STK33: variants seen among roughly 807,000 people sequenced by gnomAD.
STK33 encodes serine/threonine-protein kinase 33.
A neutral mutation model predicts 58.0 loss-of-function variants in STK33; 52 were observed. The ratio of observed to expected loss-of-function variants is 0.90; its 90% CI spans 0.72 to 1.13. The LOEUF (loss-of-function observed/expected upper bound fraction) is 1.13, where lower values mean the gene tolerates loss of function less well. STK33 is among the 50% of genes most tolerant of loss of function. STK33 has a pLI of 0.00. For missense variants in STK33, 630 were observed against 604.2 expected, an observed-to-expected ratio of 1.04 and a Z score of -0.45; for synonymous variants, 215 against 200.1, an observed-to-expected ratio of 1.07 and a Z score of -0.63.
chr11:8,580,391 C>A (rs2029911639), intron 1 of STK33, among the ~76,000 whole-genome samples: 1 of 151,312 alleles, frequency 6.6e-6, no homozygotes, highest in African/African-American at 2.4e-5. Context: ...CAAATGTTCT[C>A]ACTATTCGTG....
the STK33 span, among the ~76,000 whole-genome samples, chr11:8,349,450 TG>T: frequency 6.6e-6 from 1 of 152,202 alleles, no homozygotes; most frequent in Admixed American, 6.5e-5. Context: ...AGGCCTCACA[TG>T]CAGGGCCCAC....
intron 1 of STK33, among the ~76,000 whole-genome samples, chr11:8,521,336 T>C (rs1485967642): frequency 6.6e-6 from 1 of 152,132 alleles, no homozygotes; most frequent in South Asian, 2.1e-4. Context: ...TCTACAACCA[T>C]CTGATCTTTG....
chr11:8,394,999 T>A (rs1849090341), intron 15 of STK33, among the ~76,000 whole-genome samples: 1 of 152,182 alleles, frequency 6.6e-6, no homozygotes, highest in African/African-American at 2.4e-5. Context: ...ATTGTCAATT[T>A]ATAGTGTACA....
At chr11:8,367,395 A>T in the STK33 span, among the ~76,000 whole-genome samples, 1 of 152,216 alleles carries the variant, frequency 6.6e-6, no homozygotes, top group Non-Finnish European at 1.5e-5. Context: ...ACATCATTGT[A>T]CATTCATGTT....
chr11:8,514,274 T>C (rs1016700836), intron 1 of STK33, among the ~76,000 whole-genome samples: 1 of 152,208 alleles, frequency 6.6e-6, no homozygotes, highest in Non-Finnish European at 1.5e-5. Flanking sequence ...TTTTGATAAA[T>C]GACTATAATT....
the STK33 span, among the ~76,000 whole-genome samples, chr11:8,368,612 C>T: frequency 6.6e-6 from 1 of 152,236 alleles, no homozygotes; most frequent in Non-Finnish European, 1.5e-5. Flanking sequence ...TTATAGATTT[C>T]TGGATCCATC....
intron 7 of STK33, among the ~76,000 whole-genome samples, chr11:8,464,360 G>A (rs1947914558): frequency 6.6e-6 from 1 of 152,172 alleles, no homozygotes; most frequent in Non-Finnish European, 1.5e-5. Flanking sequence ...AATCAGGAGA[G>A]AGTATCTGCA....
intron 1 of STK33, among the ~76,000 whole-genome samples, chr11:8,491,933 T>C (rs1950647114): frequency 6.6e-6 from 1 of 151,866 alleles, no homozygotes. Context: ...CTAAAAGAGC[T>C]CCTGAAGGAA....
intron 11 of STK33, among the ~76,000 whole-genome samples, chr11:8,444,995 CATG>C (rs1945245358): frequency 2.0e-5 from 3 of 152,294 alleles, no homozygotes; most frequent in South Asian, 4.1e-4. Flanking sequence ...TGGCGATTTT[CATG>C]ATATTGATTC....
the STK33 span, among the ~76,000 whole-genome samples, chr11:8,341,605 CGG>C: frequency 6.6e-6 from 1 of 152,198 alleles, no homozygotes; most frequent in Non-Finnish European, 1.5e-5. Flanking sequence ...GCTGGAAAAA[CGG>C]GGCATTTAGC....
intron 1 of STK33, among the ~76,000 whole-genome samples, chr11:8,589,752 G>A (rs531365910): frequency 2.4e-4 from 36 of 152,218 alleles, no homozygotes; most frequent in African/African-American, 8.2e-4. Flanking sequence ...CAATAAAGAA[G>A]TTAACTTGAA....
intron 1 of STK33, among the ~76,000 whole-genome samples, chr11:8,527,165 G>A (rs908189613): frequency 6.4e-4 from 98 of 151,984 alleles, no homozygotes; most frequent in Middle Eastern, 3.4e-3. Context: ...AGGAACGGAC[G>A]GGTTTTCACC....
intron 14 of STK33, among the ~76,000 whole-genome samples, chr11:8,416,309 G>A (rs1002825886): frequency 1.3e-5 from 2 of 152,130 alleles, no homozygotes; most frequent in Non-Finnish European, 1.5e-5. Context: ...TATATGGTAA[G>A]AAGAAGGTAA....
intron 1 of STK33, among the ~76,000 whole-genome samples, chr11:8,560,745 G>C (rs1957063859): frequency 6.6e-6 from 1 of 152,084 alleles, no homozygotes; most frequent in Non-Finnish European, 1.5e-5. Context: ...CTAAGTACCT[G>C]ACACACATTA....
At chr11:8,383,043 T>C in the STK33 span, among the ~76,000 whole-genome samples, 1 of 152,198 alleles carries the variant, frequency 6.6e-6, no homozygotes, top group Non-Finnish European at 1.5e-5. Context: ...CAAACTAGAT[T>C]GTCCACGAAT....
intron 15 of STK33, among the ~76,000 whole-genome samples, chr11:8,396,281 T>C (rs1405258959): frequency 1.3e-5 from 2 of 152,166 alleles, no homozygotes; most frequent in Non-Finnish European, 2.9e-5. Flanking sequence ...TTTTTGTATT[T>C]TTAGTAGAAG....
the STK33 span, among the ~76,000 whole-genome samples, chr11:8,344,937 T>C: frequency 1.3e-5 from 2 of 152,204 alleles, no homozygotes; most frequent in Non-Finnish European, 2.9e-5. Context: ...GCACTTCCCA[T>C]GTGCCTCTAG....
chr11:8,555,238 C>T (rs1956654151), intron 1 of STK33: 1 of 151,936 alleles, frequency 6.6e-6, no homozygotes, highest in African/African-American at 2.4e-5. Context: ...ATGATGATTA[C>T]CAGAGGCTGA....
At chr11:8,383,488 TGAGGAA>T in the STK33 span, among the ~76,000 whole-genome samples, 1 of 152,152 alleles carries the variant, frequency 6.6e-6, no homozygotes, top group Non-Finnish European at 1.5e-5. Flanking sequence ...GCTTCTGCAC[TGAGGAA>T]GAGTTGGGCT....
Sources: gnomAD v4.1 joint callset for allele counts (sites outside exome capture counted in the v4.1 genomes callset) on GRCh38, gnomAD v4.1.1 for gene constraint, MANE v1.5 for transcripts, NCBI Gene and HGNC (gene_info 2026-07-23, HGNC 2026-07-21) for gene names.